Variants in CEP63 observed in about 807,000 individuals in gnomAD.
CEP63 encodes the protein centrosomal protein of 63 kDa.
CEP63 carries 84 observed loss-of-function variants against 89.1 expected under a neutral mutation model. That is an observed-to-expected ratio of 0.94 (90% CI 0.79 to 1.13). CEP63 has a LOEUF of 1.13. Ranked by LOEUF, CEP63 falls within the 50% of genes most tolerant of loss-of-function variation. The pLI, the probability that CEP63 is intolerant of heterozygous loss-of-function variation, is 0.00. For synonymous variants in CEP63, 267 were observed against 272.5 expected, an observed-to-expected ratio of 0.98 and a Z score of 0.20; for missense variants, 838 against 813.3, an observed-to-expected ratio of 1.03 and a Z score of -0.37.
the CEP63 span, among the ~76,000 whole-genome samples, chr3:134,676,222 C>G: frequency 6.6e-6 from 1 of 151,912 alleles, no homozygotes; most frequent in Non-Finnish European, 1.5e-5. Context: ...TATGGTATAC[C>G]CATACAATGG....
chr3:134,643,053 G>A, the CEP63 span, among the ~76,000 whole-genome samples: 8 of 152,206 alleles, frequency 5.3e-5, no homozygotes, highest in Non-Finnish European at 7.3e-5. Flanking sequence ...GACAGTAATA[G>A]TGATGATGAT....
chr3:134,764,532 C>T, the CEP63 span, among the ~76,000 whole-genome samples: 5 of 152,178 alleles, frequency 3.3e-5, no homozygotes, highest in Admixed American at 6.5e-5. Context: ...CTCTCACACC[C>T]AGATGATGTT....
the CEP63 span, among the ~76,000 whole-genome samples, chr3:134,706,211 G>A: frequency 2.0e-5 from 3 of 152,166 alleles, no homozygotes; most frequent in Non-Finnish European, 4.4e-5. Flanking sequence ...GGTAGTGGGA[G>A]GCCTTAGGCA....
At chr3:134,577,173 A>G (rs1004225595), downstream of CEP63, among the ~76,000 whole-genome samples, 2 of 152,094 alleles carry the variant, frequency 1.3e-5, no homozygotes, top group Admixed American at 6.6e-5. Flanking sequence ...GCCACCCATC[A>G]TATGTCCCTT....
downstream of CEP63, among the ~76,000 whole-genome samples, chr3:134,577,231 C>T (rs1412524141): frequency 1.5e-5 from 2 of 129,888 alleles, no homozygotes; most frequent in East Asian, 2.5e-4. Flanking sequence ...CTATAAAGAA[C>T]CAAAGCCAAA....
intron 11 of CEP63, 58 bp from the exon 12 acceptor site, chr3:134,551,868 T>C: frequency 9.1e-7 from 1 of 1,100,000 alleles, no homozygotes; most frequent in Non-Finnish European, 1.3e-6. Context: ...GGAAAAATTT[T>C]GTAAGATGCA....
chr3:134,602,882 C>T, the CEP63 span, among the ~76,000 whole-genome samples: 3 of 152,362 alleles, frequency 2.0e-5, no homozygotes, highest in South Asian at 6.2e-4. Context: ...TTTGCAGTCT[C>T]CTCACAACTT....
the CEP63 span, among the ~76,000 whole-genome samples, chr3:134,599,665 T>C: frequency 6.6e-6 from 1 of 152,218 alleles, no homozygotes; most frequent in Non-Finnish European, 1.5e-5. Context: ...TTAAACAAGA[T>C]TCAATGAAAG....
chr3:134,517,126 T>C (rs1004935669), intron 3 of CEP63, among the ~76,000 whole-genome samples: 3 of 152,160 alleles, frequency 2.0e-5, no homozygotes, highest in African/African-American at 7.2e-5. Flanking sequence ...ATATGCTCAA[T>C]AGCACGTCCT....
the CEP63 span, among the ~76,000 whole-genome samples, chr3:134,773,336 G>A: frequency 6.6e-6 from 1 of 152,212 alleles, no homozygotes; most frequent in African/African-American, 2.4e-5. Context: ...CTCTTTAGGA[G>A]CAGGCAGAGC....
chr3:134,499,395 G>A (rs745980778), intron 2 of CEP63, among the ~76,000 whole-genome samples: 5 of 151,822 alleles, frequency 3.3e-5, no homozygotes, highest in African/African-American at 4.8e-5. Context: ...TATTTATTTG[G>A]GTCTTCTCTT....
the CEP63 span, among the ~76,000 whole-genome samples, chr3:134,752,377 T>C: frequency 6.6e-6 from 1 of 152,132 alleles, no homozygotes; most frequent in Non-Finnish European, 1.5e-5. Flanking sequence ...ACATATGAGC[T>C]GCGTGCATGA....
intron 5 of CEP63, among the ~76,000 whole-genome samples, chr3:134,533,449 C>T (rs1170703141): frequency 6.6e-6 from 1 of 152,190 alleles, no homozygotes; most frequent in Non-Finnish European, 1.5e-5. Context: ...TCAGATTATT[C>T]TCAATTCCCA....
chr3:134,506,573 G>A (rs1559890499), intron 2 of CEP63, among the ~76,000 whole-genome samples: 1 of 152,138 alleles, frequency 6.6e-6, no homozygotes, highest in African/African-American at 2.4e-5. Flanking sequence ...GGCTATGAGA[G>A]GAAGATAAGA....
the CEP63 span, among the ~76,000 whole-genome samples, chr3:134,691,052 A>T: frequency 3.3e-5 from 5 of 152,196 alleles, no homozygotes; most frequent in African/African-American, 1.2e-4. Context: ...CCTGGCCAAG[A>T]TATTTTTTAA....
Position 134,562,065 on chromosome 3 carries a change from G to T in CEP63, c.*530G>T. 1 of 995,002 alleles carries T rather than the reference G, an allele frequency of 1.0e-6. No homozygotes were observed. The highest frequency in any genetic ancestry group is 1.2e-6 in the Non-Finnish European group (1 of 835,814). 61.6% of individuals were successfully genotyped at this position (995,002 alleles called of 1,614,324 possible). On this transcript the variant is annotated 3_prime_UTR_variant, in exon 15 of 15. Coordinates refer to ENST00000675561, the MANE Select transcript of CEP63 (RefSeq NM_001353108.3). Reference sequence around the variant, plus strand: ...TAAAGTCAGGCTGGTAGTGAATAAGGGGGGGGTGTGCTAAAGAACCTTATC... The same window carrying T: ...TAAAGTCAGGCTGGTAGTGAATAAGTGGGGGGTGTGCTAAAGAACCTTATC...
At chr3:134,629,690 G>T in the CEP63 span, 80 of 1,588,282 alleles carry the variant, frequency 5.0e-5, no homozygotes, top group Non-Finnish European at 6.5e-5. Context: ...ACAGTCAGTT[G>T]TGTCCCTACA....
the CEP63 span, among the ~76,000 whole-genome samples, chr3:134,648,236 C>T: frequency 2.6e-5 from 4 of 152,122 alleles, no homozygotes; most frequent in African/African-American, 7.2e-5. Flanking sequence ...TAGACCAGCT[C>T]GTTGGTGCTG....
the CEP63 span, chr3:134,620,748 C>T: frequency 1.2e-6 from 2 of 1,611,422 alleles, no homozygotes; most frequent in South Asian, 1.1e-5. Context: ...GGGGGGCCTA[C>T]CTATGTGATG....
Sources: allele counts gnomAD v4.1 joint callset (sites outside exome capture counted in the v4.1 genomes callset), GRCh38; gene constraint gnomAD v4.1.1; transcripts MANE v1.5; gene names NCBI Gene and HGNC (gene_info 2026-07-23, HGNC 2026-07-21).